Variants in UTRN observed in about 807,000 individuals in gnomAD.
UTRN encodes dystrophin-related protein 1.
Under a neutral mutation model 463.9 loss-of-function variants are expected in UTRN, and 283 were observed. The observed-to-expected ratio is 0.61, with a 90% CI of 0.55 to 0.67. The LOEUF is 0.67. Among genes scored for constraint, UTRN ranks in the 30% least tolerant of loss-of-function variants. The pLI is 0.00. For missense variants in UTRN, 3,922 were observed against 4,084.3 expected (o/e 0.96, Z 1.08); for synonymous variants, 1,442 against 1,431.5 (o/e 1.01, Z -0.17).
intron 64 of UTRN, among the ~76,000 whole-genome samples, chr6:144,799,086 T>C (rs1777493581): frequency 6.6e-6 from 1 of 152,266 alleles, no homozygotes; most frequent in Admixed American, 6.5e-5. Flanking sequence ...ACCAATACGG[T>C]GATTCTCTGA....
intron 54 of UTRN, among the ~76,000 whole-genome samples, chr6:144,732,237 T>TATATATAC (rs1314919610): frequency 2.3e-5 from 2 of 87,308 alleles, no homozygotes; most frequent in Non-Finnish European, 5.4e-5. Flanking sequence ...TATATATATA[T>TATATATAC]ACATATATAT....
At chr6:144,612,822 TAC>T (rs1380303521) in intron 51 of UTRN, among the ~76,000 whole-genome samples, 8 of 151,978 alleles carry the variant, frequency 5.3e-5, no homozygotes. Context: ...AAAATAGAAA[TAC>T]ATACAACCAA....
intron 51 of UTRN, among the ~76,000 whole-genome samples, chr6:144,617,914 T>C (rs965410647): frequency 1.3e-5 from 2 of 152,138 alleles, no homozygotes; most frequent in Admixed American, 1.3e-4. Flanking sequence ...TTGTTTGAAA[T>C]GGGCAGTTCA....
rs748399313 is a variant in UTRN, at chr6:144,772,016, GTTTTTTTTTTTTTTT to G, written c.8557+71_8557+85del. On this transcript the variant is annotated intron_variant, in intron 59 of 74. Coordinates refer to ENST00000367545, the MANE Select transcript of UTRN (RefSeq NM_007124.3). ...AATTAACCTAAACAACTGAGAACCG[GTTTTTTTTTTTTTTT>G]TTTTTTTTTTTTTTTTTTTTTTAAG... 6.7e-3 allele frequency: 859 copies of G among 127,568 alleles called. 12 individuals are homozygous for G. The highest frequency in any genetic ancestry group is 0.051 in the African/African-American group (721 of 14,128). The allele number at this position is 127,568 out of a possible 1,614,324, so 7.9% of individuals were successfully genotyped here.
At chr6:144,792,501 C>G (rs528894006) in intron 62 of UTRN, among the ~76,000 whole-genome samples, 2 of 151,688 alleles carry the variant, frequency 1.3e-5, no homozygotes, top group Non-Finnish European at 2.9e-5. Flanking sequence ...GAGCCAAGAT[C>G]GTGCCATTGC....
At chr6:144,613,697 C>T (rs1015762757) in intron 51 of UTRN, among the ~76,000 whole-genome samples, 3 of 151,738 alleles carry the variant, frequency 2.0e-5, no homozygotes, top group Non-Finnish European at 2.9e-5. Context: ...GTGGTGGTCC[C>T]GCTACTGTAT....
intron 2 of UTRN, among the ~76,000 whole-genome samples, chr6:144,320,835 T>A (rs1775591184): frequency 6.6e-6 from 1 of 152,262 alleles, no homozygotes; most frequent in South Asian, 2.1e-4. Context: ...GGAACTTTTA[T>A]TTACCTGAGT....
In UTRN at chr6:144,741,028, CTT is replaced by C. The variant is rs541123217; in HGVS notation, c.7940-7216_7940-7215del. Among the ~76,000 whole-genome samples the C allele has an allele frequency of 4.1e-3, 630 of 152,280 alleles. 3 individuals carry two copies. The highest frequency in any genetic ancestry group is 0.015 in the African/African-American group (603 of 41,546). On this transcript the variant is annotated intron_variant, in intron 54 of 74. Transcript: ENST00000367545. The stretch of plus-strand genomic sequence containing the variant: ...ATAAAGGACCGGAGGATACAAGACT[CTT>C]TGAGCGTGGTATAATGTACTTATGT...
chr6:144,629,821 T>C (rs1221926245), intron 51 of UTRN, among the ~76,000 whole-genome samples: 1 of 152,240 alleles, frequency 6.6e-6, no homozygotes, highest in African/African-American at 2.4e-5. Flanking sequence ...TTTAGGCATA[T>C]TGCATACCTG....
At chr6:144,833,217 C>T (rs1314750303) in intron 69 of UTRN, among the ~76,000 whole-genome samples, 1 of 152,138 alleles carries the variant, frequency 6.6e-6, no homozygotes, top group African/African-American at 2.4e-5. Flanking sequence ...TTTGCATTAT[C>T]CTTGCTCATT....
At chr6:144,592,550 T>C (rs541862698) in intron 51 of UTRN, among the ~76,000 whole-genome samples, 2 of 152,160 alleles carry the variant, frequency 1.3e-5, no homozygotes, top group South Asian at 2.1e-4. Flanking sequence ...TTTGTATTTT[T>C]AGTAGAGACG....
chr6:144,619,236 A>C (rs955500485), intron 51 of UTRN, among the ~76,000 whole-genome samples: 4 of 152,202 alleles, frequency 2.6e-5, no homozygotes, highest in African/African-American at 9.6e-5. Flanking sequence ...CCAGACTATC[A>C]TTATTAATTT....
At chr6:144,487,410 C>A in intron 28 of UTRN, 138 bp from the exon 29 acceptor site, 1 of 804,592 alleles carries the variant, frequency 1.2e-6, no homozygotes, top group Non-Finnish European at 1.7e-6. Context: ...TAGTAATTTA[C>A]TTAACTTTTG....
chr6:144,513,827 G>A, intron 35 of UTRN, 82 bp from the exon 36 acceptor site: 1 of 1,483,592 alleles, frequency 6.7e-7, no homozygotes, highest in Non-Finnish European at 9.1e-7. Flanking sequence ...TTTGCTCTTT[G>A]AAGGTCTTTT....
intron 69 of UTRN, among the ~76,000 whole-genome samples, chr6:144,832,844 G>C (rs187135039): frequency 6.7e-4 from 102 of 152,244 alleles, no homozygotes; most frequent in Admixed American, 1.6e-3. Context: ...TTTTGAGACA[G>C]AGTCTCACTC....
chr6:144,529,981 AAG>A (rs1038429542), intron 41 of UTRN, among the ~76,000 whole-genome samples: 2 of 152,166 alleles, frequency 1.3e-5, no homozygotes, highest in Non-Finnish European at 2.9e-5. Context: ...CCATCTTTAA[AAG>A]AGTTTGGTTT....
At chr6:144,502,260 CT>C (rs939088183) in intron 34 of UTRN, among the ~76,000 whole-genome samples, 1 of 150,992 alleles carries the variant, frequency 6.6e-6, no homozygotes, top group Non-Finnish European at 1.5e-5. Context: ...AGCTTTTTTC[CT>C]TTTTTTTAAT....
intron 2 of UTRN, among the ~76,000 whole-genome samples, chr6:144,389,367 G>C (rs1281929505): frequency 6.6e-6 from 1 of 152,056 alleles, no homozygotes; most frequent in African/African-American, 2.4e-5. Context: ...GTGATTTTTG[G>C]GGCCCCACCG....
intron 2 of UTRN, among the ~76,000 whole-genome samples, chr6:144,305,524 C>A (rs1453266054): frequency 6.6e-6 from 1 of 152,080 alleles, no homozygotes; most frequent in Non-Finnish European, 1.5e-5. Context: ...AAGCCCAGTT[C>A]CTTGGAAGTA....
Sources: gnomAD v4.1 joint callset for allele counts (sites outside exome capture counted in the v4.1 genomes callset) on GRCh38, gnomAD v4.1.1 for gene constraint, MANE v1.5 for transcripts, NCBI Gene and HGNC (gene_info 2026-07-23, HGNC 2026-07-21) for gene names.